CYP4B1: variants seen among roughly 807,000 people sequenced by gnomAD.
The protein encoded by CYP4B1 is cytochrome P450 4B1.
In CYP4B1, 45 loss-of-function variants were observed where a neutral mutation model predicts 54.0. That is an observed-to-expected ratio of 0.83 (90% CI 0.66 to 1.07). The LOEUF is 1.07. CYP4B1 is among the 50% of genes least tolerant of loss of function. The pLI, the probability that CYP4B1 is intolerant of heterozygous loss-of-function variation, is 0.00. For synonymous variants in CYP4B1, 248 were observed against 247.5 expected, an observed-to-expected ratio of 1.00 and a Z score of -0.02; for missense variants, 656 against 655.4, an observed-to-expected ratio of 1.00 and a Z score of -0.01.
chr1:46,811,135 T>G lies in CYP4B1; in HGVS notation c.323-5T>G. On this transcript the variant is annotated splice_polypyrimidine_tract_variant and splice_region_variant and intron_variant, in intron 2 of 11. Transcript: ENST00000371923. ...CCTGCTTGACCTGATTGTCTCCTCC[T>G]GCAGACCCTAAGGCCCCTGATGTGT... 1 of 1,614,154 alleles carries G rather than the reference T, an allele frequency of 6.2e-7. No individual in the cohort carries two copies. The highest frequency in any genetic ancestry group is 8.5e-7 in the Non-Finnish European group (1 of 1,180,012).
intron 1 of CYP4B1, among the ~76,000 whole-genome samples, chr1:46,809,220 G>A (rs561265798): frequency 6.6e-6 from 1 of 151,546 alleles, no homozygotes; most frequent in African/African-American, 2.4e-5. Context: ...GCTCTCATGG[G>A]AACTAAGAGA....
In CYP4B1 at chr1:46,819,092, T is replaced by C. The variant is rs1679456871; in HGVS notation, c.*278T>C. 3.1e-6 allele frequency: 1 copy of C among 326,006 alleles called. No individual in the cohort carries two copies. Among genetic ancestry groups the C allele is most frequent in the Non-Finnish European group, 5.6e-6 (1 of 178,576 alleles). The allele number at this position is 326,006 out of a possible 1,614,324, so 20.2% of individuals were successfully genotyped here. ...TTCGAGAAACTTCATTTATCTCCTA[T>C]AATTGGCAAACTTAAAAATGCAGCA... is the stretch of plus-strand genomic sequence containing the variant. On this transcript the variant is annotated 3_prime_UTR_variant, in exon 12 of 12. Coordinates refer to ENST00000371923, the MANE Select transcript of CYP4B1 (RefSeq NM_001099772.2).
intron 1 of CYP4B1, among the ~76,000 whole-genome samples, chr1:46,802,359 A>G (rs2148395234): frequency 6.6e-6 from 1 of 152,276 alleles, no homozygotes; most frequent in East Asian, 1.9e-4. Flanking sequence ...AACATTGATT[A>G]CAGGCCTTCG....
Position 46,818,618 on chromosome 1 carries a change from C to T in CYP4B1, c.1356-13C>T, listed in dbSNP as rs1371494799. 1 of 1,613,714 alleles carries T rather than the reference C, an allele frequency of 6.2e-7. No homozygotes were observed. The highest frequency in any genetic ancestry group is 2.2e-5 in the East Asian group (1 of 44,898). On this transcript the variant is annotated splice_polypyrimidine_tract_variant and intron_variant, in intron 11 of 11. Coordinates refer to ENST00000371923, the MANE Select transcript of CYP4B1 (RefSeq NM_001099772.2). ...CTCCATTGCACGATGACTCTTTGTG[C>T]TGCTTGCTACAGGAACTGCATTGGG...
intron 2 of CYP4B1, 68 bp downstream of exon 2, chr1:46,811,017 A>C: frequency 1.2e-6 from 2 of 1,603,690 alleles, no homozygotes; most frequent in Non-Finnish European, 1.7e-6. Flanking sequence ...TCAGGGCATG[A>C]TATGGGGAGG....
intron 1 of CYP4B1, among the ~76,000 whole-genome samples, chr1:46,809,868 T>C (rs569041417): frequency 2.0e-5 from 3 of 152,364 alleles, no homozygotes; most frequent in African/African-American, 7.2e-5. Context: ...GGACAAGTTA[T>C]GTTCAATGAA....
chr1:46,805,000 C>T (rs1036342478), intron 1 of CYP4B1, among the ~76,000 whole-genome samples: 8 of 152,112 alleles, frequency 5.3e-5, no homozygotes, highest in Non-Finnish European at 1.2e-4. Context: ...TCTTTCTCCC[C>T]ACTTGGAATG....
rs1679365678 is a variant in CYP4B1, at chr1:46,817,118, C to T, written c.1144C>T (p.Pro382Ser). Residue 382 changes from proline (P) to serine (S), a missense_variant, in exon 9 of 12, where the codon CCC (proline) becomes TCC (serine). By Grantham distance (74) the Pro-to-Ser change is moderately conservative. Transcript: ENST00000371923. ...KESFRLYPPV[P>S]QVYRQLSKPV... ...GAGCTTCCGCCTCTACCCACCTGTGCCCCAGGTGTACCGCCAGCTCAGCAA... is the reference window on the plus strand; with the variant it reads ...GAGCTTCCGCCTCTACCCACCTGTGTCCCAGGTGTACCGCCAGCTCAGCAA... The T allele has an allele frequency of 6.2e-7, 1 of 1,614,140 alleles. No homozygotes were observed. Among genetic ancestry groups the T allele is most frequent in the East Asian group, 2.2e-5 (1 of 44,878 alleles).
intron 1 of CYP4B1, among the ~76,000 whole-genome samples, chr1:46,802,190 G>GT (rs1557486913): frequency 6.6e-6 from 1 of 151,176 alleles, no homozygotes; most frequent in Admixed American, 6.6e-5. Flanking sequence ...GGTGTGTGTG[G>GT]GTGTGTGTGT....
intron 1 of CYP4B1, among the ~76,000 whole-genome samples, chr1:46,809,921 T>C (rs984386550): frequency 6.6e-6 from 1 of 152,246 alleles, no homozygotes; most frequent in African/African-American, 2.4e-5. Flanking sequence ...TAACTTCATT[T>C]ACTTAAAACA....
chr1:46,813,357 G>T, intron 4 of CYP4B1, 125 bp from the exon 5 acceptor site: 1 of 1,140,624 alleles, frequency 8.8e-7, no homozygotes, highest in East Asian at 2.4e-5. Flanking sequence ...ACAGGGACTG[G>T]GAGTGTGTGA....
chr1:46,815,695 C>G (rs1036067185), intron 8 of CYP4B1, among the ~76,000 whole-genome samples: 5 of 152,168 alleles, frequency 3.3e-5, no homozygotes, highest in Non-Finnish European at 5.9e-5. Context: ...TTCCAGATGC[C>G]ATATCTCTCC....
In CYP4B1 at chr1:46,817,298, G is replaced by A. The variant is rs372977824; in HGVS notation, c.1207+117G>A. The A allele has an allele frequency of 1.0e-5, 13 of 1,261,542 alleles. No homozygotes were observed. The African/African-American group carries it at 1.6e-4, about 16-fold the overall frequency. The allele number at this position is 1,261,542 out of a possible 1,614,324, so 78.1% of individuals were successfully genotyped here. Reference sequence around the variant, plus strand: ...GAAGAGCTCAGGCTTTGCGTTCAGAGAGCCCTGGGTCTAAATCCCAGCCCC... The same window carrying A: ...GAAGAGCTCAGGCTTTGCGTTCAGAAAGCCCTGGGTCTAAATCCCAGCCCC... On this transcript the variant is annotated intron_variant, in intron 9 of 11. Transcript: ENST00000371923.
rs1249263874 is a variant in CYP4B1, at chr1:46,800,200, T to TC, written c.180+939_180+940insC. 9.9e-5 allele frequency among the ~76,000 whole-genome samples: 3 copies of TC among 30,322 alleles called. 1 individual carries two copies. Among genetic ancestry groups the TC allele is most frequent in the Non-Finnish European group, 2.8e-4 (2 of 7,092 alleles). 19.9% of individuals were successfully genotyped at this position (30,322 alleles called of 152,430 possible). On this transcript the variant is annotated intron_variant, in intron 1 of 11. Transcript: ENST00000371923. ...CTTTCTTTCTCTTTCTTTCTTTCTC[T>TC]TTCTTTCTTTCTTTCTCTTTCTCTC...
chr1:46,804,626 G>T (rs1470117968), intron 1 of CYP4B1, among the ~76,000 whole-genome samples: 1 of 151,980 alleles, frequency 6.6e-6, no homozygotes, highest in African/African-American at 2.4e-5. Context: ...GAAACAGAGG[G>T]AAACAGAGAG....
At chr1:46,814,424 C>A (rs1408981154) in intron 7 of CYP4B1, 109 bp downstream of exon 7, 2 of 769,426 alleles carry the variant, frequency 2.6e-6, no homozygotes, top group African/African-American at 1.7e-5. Flanking sequence ...CTTTCCTCAG[C>A]AAATATAACC....
rs369051884 is a variant in CYP4B1 at position 46,800,221 on chromosome 1, C to CTTTCTTTCTT, written c.180+961_180+962insTTCTTTCTTT. 0.011 allele frequency among the ~76,000 whole-genome samples: 252 copies of CTTTCTTTCTT among 23,408 alleles called. 30 individuals are homozygous for CTTTCTTTCTT. The East Asian group carries it at 0.26, about 24-fold the overall frequency. The allele number at this position is 23,408 out of a possible 152,430, so 15.4% of individuals were successfully genotyped here. A position where few individuals can be genotyped will look rare whatever the true frequency, so the allele number is the denominator to read the frequency against. On this transcript the variant is annotated intron_variant, in intron 1 of 11. Transcript: ENST00000371923. ...TCTCTTTCTTTCTTTCTTTCTCTTTCTCTCTTTCTTTCTTTCTTTCCTTCC... is the reference window on the plus strand; with the variant it reads ...TCTCTTTCTTTCTTTCTTTCTCTTTCTTTCTTTCTTTCTCTTTCTTTCTTTCTTTCCTTCC...
At chr1:46,805,901 A>T (rs1678839808) in intron 1 of CYP4B1, among the ~76,000 whole-genome samples, 1 of 152,174 alleles carries the variant, frequency 6.6e-6, no homozygotes, top group African/African-American at 2.4e-5. Flanking sequence ...CTAGGGCACC[A>T]AAGGGCACCT....
At chr1:46,817,205 G>A (rs1057161727) in intron 9 of CYP4B1, 24 bp downstream of exon 9, 1 of 1,613,748 alleles carries the variant, frequency 6.2e-7, no homozygotes. Context: ...ATTTGGGGGT[G>A]GAAAAGGAGT....
Sources: gnomAD v4.1 joint callset for allele counts (sites outside exome capture counted in the v4.1 genomes callset) on GRCh38, gnomAD v4.1.1 for gene constraint, MANE v1.5 for transcripts, NCBI Gene and HGNC (gene_info 2026-07-23, HGNC 2026-07-21) for gene names.